ADAMTS20: variants seen among roughly 807,000 people sequenced by gnomAD.
ADAMTS20 encodes the protein A disintegrin and metalloproteinase with thrombospondin motifs 20.
A neutral mutation model predicts 260.1 loss-of-function variants in ADAMTS20; 225 were observed. The ratio of observed to expected loss-of-function variants is 0.87; its 90% CI spans 0.78 to 0.97. The LOEUF is 0.97. Among genes scored for constraint, ADAMTS20 ranks in the 50% least tolerant of loss-of-function variants. The pLI is 0.00. For missense variants in ADAMTS20, 2,400 were observed against 2,337.7 expected, an observed-to-expected ratio of 1.03 and a Z score of -0.55; for synonymous variants, 802 against 769.5, an observed-to-expected ratio of 1.04 and a Z score of -0.70.
intron 11 of ADAMTS20, 127 bp downstream of exon 11, chr12:43,462,768 G>T: frequency 1.5e-6 from 1 of 676,944 alleles, no homozygotes; most frequent in East Asian, 2.8e-5. Context: ...AACAAACATG[G>T]CAATAACATT....
At chr12:43,503,392 G>C (rs1942795754) in intron 3 of ADAMTS20, among the ~76,000 whole-genome samples, 1 of 151,788 alleles carries the variant, frequency 6.6e-6, no homozygotes, top group Admixed American at 6.6e-5. Context: ...TGTATTATAA[G>C]AATTAGATAT....
chr12:43,486,646 A>C lies in ADAMTS20; in HGVS notation c.1117+3749T>G, dbSNP rs114300516. On this transcript the variant is annotated intron_variant, in intron 7 of 38. Coordinates refer to ENST00000389420, the MANE Select transcript of ADAMTS20 (RefSeq NM_025003.5). Reference sequence around the variant, plus strand: ...AATCATCAGAGTAAAAAGACAATGCAGAGTGGGAGAAAATATTTGCAAACG... The same window carrying C: ...AATCATCAGAGTAAAAAGACAATGCCGAGTGGGAGAAAATATTTGCAAACG... 8.2e-3 allele frequency among the ~76,000 whole-genome samples: 1,251 copies of C among 152,336 alleles called. 19 individuals carry two copies. Among genetic ancestry groups the C allele is most frequent in the African/African-American group, 0.028 (1,156 of 41,578 alleles).
intron 18 of ADAMTS20, among the ~76,000 whole-genome samples, chr12:43,439,012 A>G (rs938055919): frequency 6.6e-6 from 1 of 152,200 alleles, no homozygotes; most frequent in Admixed American, 6.5e-5. Flanking sequence ...CCCTCAATAA[A>G]TATGTACTGC....
chr12:43,423,973 A>G (rs1342961279), intron 28 of ADAMTS20: 1 of 683,660 alleles, frequency 1.5e-6, no homozygotes, highest in Admixed American at 2.1e-5. Context: ...TCACACTTTG[A>G]CTATAAAGAT....
intron 29 of ADAMTS20, among the ~76,000 whole-genome samples, chr12:43,394,243 C>A (rs185089989): frequency 1.2e-3 from 178 of 152,140 alleles, no homozygotes; most frequent in Non-Finnish European, 2.1e-3. Context: ...AAAATCAGGG[C>A]TCTTGCTACT....
chr12:43,540,454 C>A (rs1299349296), intron 2 of ADAMTS20, among the ~76,000 whole-genome samples: 1 of 152,026 alleles, frequency 6.6e-6, no homozygotes, highest in Non-Finnish European at 1.5e-5. Flanking sequence ...AATACTTGTC[C>A]TTTTTATTTA....
At chr12:43,470,890 A>G (rs1942242898) in intron 7 of ADAMTS20, among the ~76,000 whole-genome samples, 1 of 152,228 alleles carries the variant, frequency 6.6e-6, no homozygotes, top group Non-Finnish European at 1.5e-5. Flanking sequence ...TCTTCTGCAA[A>G]TTATTCATCC....
At chr12:43,525,059 A>T (rs780900274) in intron 3 of ADAMTS20, among the ~76,000 whole-genome samples, 20 of 148,844 alleles carry the variant, frequency 1.3e-4, no homozygotes, top group Non-Finnish European at 3.0e-4. Context: ...CAAAAAGGTC[A>T]TCATCAGTGC....
intron 7 of ADAMTS20, among the ~76,000 whole-genome samples, chr12:43,483,768 A>C (rs967095277): frequency 1.3e-5 from 2 of 152,146 alleles, no homozygotes; most frequent in Non-Finnish European, 2.9e-5. Context: ...TGCTCTGTCA[A>C]GGCTGAGATG....
At chr12:43,481,061 C>A (rs1355038904) in intron 7 of ADAMTS20, among the ~76,000 whole-genome samples, 4 of 152,006 alleles carry the variant, frequency 2.6e-5, no homozygotes, top group Admixed American at 6.5e-5. Flanking sequence ...ATTTTACCCC[C>A]AAAAATGTAT....
chr12:43,524,621 AGC>A (rs1364021079), intron 3 of ADAMTS20, among the ~76,000 whole-genome samples: 1 of 152,186 alleles, frequency 6.6e-6, no homozygotes, highest in Non-Finnish European at 1.5e-5. Flanking sequence ...AACAATTCAG[AGC>A]ATGAATGGAA....
At chr12:43,457,100 T>C (rs566821180) in intron 11 of ADAMTS20, among the ~76,000 whole-genome samples, 5 of 152,376 alleles carry the variant, frequency 3.3e-5, no homozygotes, top group African/African-American at 1.2e-4. Flanking sequence ...TCTTATTCTC[T>C]GTCTTCCTTG....
At chr12:43,359,600 T>C (rs1939825066) in intron 37 of ADAMTS20, among the ~76,000 whole-genome samples, 1 of 152,138 alleles carries the variant, frequency 6.6e-6, no homozygotes, top group South Asian at 2.1e-4. Flanking sequence ...TTAACACTTA[T>C]CGTAAAGCTA....
At chr12:43,434,864 G>A (rs887497552) in intron 18 of ADAMTS20, among the ~76,000 whole-genome samples, 10 of 152,102 alleles carry the variant, frequency 6.6e-5, no homozygotes, top group African/African-American at 2.4e-4. Flanking sequence ...GAAAAGGAAC[G>A]TGACCTATTC....
intron 28 of ADAMTS20, among the ~76,000 whole-genome samples, chr12:43,409,175 A>G (rs1271288083): frequency 2.0e-5 from 3 of 152,044 alleles, no homozygotes; most frequent in African/African-American, 7.2e-5. Flanking sequence ...CACTAAAACA[A>G]TAAGAATGCA....
intron 28 of ADAMTS20, among the ~76,000 whole-genome samples, chr12:43,405,450 ATAATAATAATAAAT>A: frequency 7.0e-6 from 1 of 142,258 alleles, no homozygotes; most frequent in South Asian, 2.3e-4. Flanking sequence ...AATAATAATA[ATAATAATAATAAAT>A]TAAATATTTC....
In ADAMTS20 at chr12:43,376,329, A is replaced by C. The variant is rs762284047; in HGVS notation, c.5127T>G (p.Cys1709Trp). ...TTTCTTTGCAGGTGGTAAATGATTT[A>C]CCTTCAAAGACAAATTAACACAACT... The part of the protein sequence containing the change: ...GAQKKCYAND[C>W]KSFTTCKEIQ... Residue 1709 changes from cysteine to tryptophan, a missense_variant and splice_region_variant, in exon 34 of 39, where the codon TGT becomes TGG. By Grantham distance (215) the Cys-to-Trp change is radical. Coordinates refer to ENST00000389420, the MANE Select transcript of ADAMTS20 (RefSeq NM_025003.5). 1 of 1,545,934 alleles carries C rather than the reference A, an allele frequency of 6.5e-7. No individual in the cohort carries two copies. The highest frequency in any genetic ancestry group is 1.4e-5 in the African/African-American group (1 of 72,774).
intron 36 of ADAMTS20, among the ~76,000 whole-genome samples, chr12:43,372,949 C>G (rs1238504466): frequency 6.6e-6 from 1 of 152,156 alleles, no homozygotes; most frequent in Non-Finnish European, 1.5e-5. Flanking sequence ...AAATTTGAAG[C>G]TACAGGAGAA....
At chr12:43,395,503 C>A (rs1682652039) in intron 29 of ADAMTS20, among the ~76,000 whole-genome samples, 1 of 151,418 alleles carries the variant, frequency 6.6e-6, no homozygotes. Context: ...AAATTAGGGG[C>A]TTTGGGTGGG....
Sources: allele counts gnomAD v4.1 joint callset (sites outside exome capture counted in the v4.1 genomes callset), GRCh38; gene constraint gnomAD v4.1.1; transcripts MANE v1.5; gene names NCBI Gene and HGNC (gene_info 2026-07-23, HGNC 2026-07-21).